KIF5C: variants seen among roughly 807,000 people sequenced by gnomAD.
The protein encoded by KIF5C is kinesin heavy chain isoform 5C.
Under a neutral mutation model 125.2 loss-of-function variants are expected in KIF5C, and 18 were observed. The ratio of observed to expected loss-of-function variants is 0.14; its 90% confidence interval spans 0.10 to 0.21. KIF5C has a LOEUF of 0.21. Ranked by LOEUF, KIF5C falls within the 10% of genes least tolerant of loss-of-function variation. KIF5C has a pLI of 1.00. For missense variants in KIF5C, 780 were observed against 1,183.8 expected (o/e 0.66, Z 5.01); for synonymous variants, 405 against 434.0 (o/e 0.93, Z 0.83).
At chr2:149,004,426 G>A (rs562356917) in intron 21 of KIF5C, among the ~76,000 whole-genome samples, 1 of 152,264 alleles carries the variant, frequency 6.6e-6, no homozygotes, top group African/African-American at 2.4e-5. Flanking sequence ...TATTTCCTAT[G>A]GTAAATACAT....
At chr2:148,997,654 G>T in intron 18 of KIF5C, 1 of 345,014 alleles carries the variant, frequency 2.9e-6, no homozygotes. Context: ...TAACTTCTAA[G>T]GATTTCTTCC....
chr2:148,899,817 C>CTT (rs964052615), intron 1 of KIF5C, among the ~76,000 whole-genome samples: 5 of 150,892 alleles, frequency 3.3e-5, no homozygotes, highest in African/African-American at 1.2e-4. Context: ...ATGGGTATTT[C>CTT]TTTCCTGAAT....
intron 1 of KIF5C, 61 bp from the exon 2 acceptor site, chr2:148,922,076 T>C: frequency 2.5e-6 from 3 of 1,194,268 alleles, no homozygotes; most frequent in Non-Finnish European, 3.6e-6. Flanking sequence ...TGCGATTTTT[T>C]ATTCCTAAAC....
intron 2 of KIF5C, among the ~76,000 whole-genome samples, chr2:148,927,280 G>A (rs1487608338): frequency 6.6e-6 from 1 of 152,202 alleles, no homozygotes; most frequent in African/African-American, 2.4e-5. Context: ...TGAGCTCTGA[G>A]CTGTTTCCTT....
intron 2 of KIF5C, among the ~76,000 whole-genome samples, chr2:148,925,060 C>T (rs778817523): frequency 2.0e-5 from 3 of 152,132 alleles, no homozygotes; most frequent in Non-Finnish European, 4.4e-5. Flanking sequence ...CACGGGAACA[C>T]AGAAGAATGT....
intron 3 of KIF5C, among the ~76,000 whole-genome samples, chr2:148,932,761 C>G (rs1682207989): frequency 6.6e-6 from 1 of 152,154 alleles, no homozygotes; most frequent in South Asian, 2.1e-4. Flanking sequence ...TCCCGCCAAG[C>G]CTGCCAAGTG....
intron 1 of KIF5C, chr2:148,877,786 T>C (rs6759481): frequency 1 from 150,729 of 151,326 alleles, 75,068 homozygotes; most frequent in Middle Eastern, 1. Context: ...CTCTTCTTCT[T>C]CCAGAACCAA....
chr2:149,015,978 G>T (rs988261444), intron 25 of KIF5C, among the ~76,000 whole-genome samples: 1 of 152,206 alleles, frequency 6.6e-6, no homozygotes, highest in African/African-American at 2.4e-5. Flanking sequence ...AATGGAATAG[G>T]AACACTGTTT....
intron 1 of KIF5C, among the ~76,000 whole-genome samples, chr2:148,882,334 T>C (rs1681389090): frequency 6.6e-6 from 1 of 152,194 alleles, no homozygotes; most frequent in Non-Finnish European, 1.5e-5. Flanking sequence ...CTAAGCCCAG[T>C]GGCTAGTCCA....
intron 1 of KIF5C, among the ~76,000 whole-genome samples, chr2:148,898,021 A>G (rs1010423555): frequency 7.5e-6 from 1 of 132,946 alleles, no homozygotes; most frequent in Non-Finnish European, 1.5e-5. Flanking sequence ...GGTTTGAGGG[A>G]GTGGAGAGGA....
chr2:148,909,446 C>T (rs1031229324), intron 1 of KIF5C, among the ~76,000 whole-genome samples: 12 of 152,240 alleles, frequency 7.9e-5, no homozygotes, highest in Non-Finnish European at 1.6e-4. Context: ...TCTCTCCACT[C>T]CCTCAGAATG....
intron 1 of KIF5C, among the ~76,000 whole-genome samples, chr2:148,909,032 C>T (rs1681227222): frequency 6.6e-6 from 1 of 152,286 alleles, no homozygotes; most frequent in Admixed American, 6.5e-5. Context: ...CGCTTCTTTC[C>T]CAGCTTCTTT....
intron 7 of KIF5C, among the ~76,000 whole-genome samples, chr2:148,943,126 A>T (rs77670403): frequency 0.021 from 3,130 of 152,336 alleles, 96 homozygotes; most frequent in African/African-American, 0.065. Context: ...GTTAAAAAAA[A>T]GTTCCAAACC....
intron 1 of KIF5C, among the ~76,000 whole-genome samples, 184 bp from the exon 2 acceptor site, chr2:148,921,953 C>T (rs1473438562): frequency 6.6e-6 from 1 of 152,204 alleles, no homozygotes; most frequent in East Asian, 1.9e-4. Context: ...ATACAGTGCA[C>T]ATATACACAA....
At chr2:148,886,949 C>T (rs770313132) in intron 1 of KIF5C, among the ~76,000 whole-genome samples, 38 of 152,086 alleles carry the variant, frequency 2.5e-4, no homozygotes, top group Non-Finnish European at 4.7e-4. Flanking sequence ...CTGGTCTAGA[C>T]ATTTATCCAA....
At chr2:148,933,586 G>T (rs1269683960) in intron 3 of KIF5C, among the ~76,000 whole-genome samples, 1 of 141,476 alleles carries the variant, frequency 7.1e-6, no homozygotes, top group East Asian at 2.2e-4. Context: ...TACCACACAC[G>T]TATACACACA....
At chr2:148,958,053 T>C (rs1045307652) in intron 10 of KIF5C, among the ~76,000 whole-genome samples, 1 of 152,210 alleles carries the variant, frequency 6.6e-6, no homozygotes, top group Non-Finnish European at 1.5e-5. Flanking sequence ...TTTTCACAGT[T>C]ATATAGTATT....
chr2:149,018,355 C>T, intron 25 of KIF5C, among the ~76,000 whole-genome samples: 1 of 152,170 alleles, frequency 6.6e-6, no homozygotes, highest in East Asian at 1.9e-4. Flanking sequence ...TGAACAAGCA[C>T]TCCGTGCTCA....
chr2:148,993,281 T>A (rs914192997), intron 16 of KIF5C, among the ~76,000 whole-genome samples: 3 of 152,190 alleles, frequency 2.0e-5, no homozygotes, highest in Non-Finnish European at 2.9e-5. Flanking sequence ...TGACACTGAC[T>A]TTGCTGTATG....
Sources: gnomAD v4.1 joint callset for allele counts (sites outside exome capture counted in the v4.1 genomes callset) on GRCh38, gnomAD v4.1.1 for gene constraint, MANE v1.5 for transcripts, NCBI Gene and HGNC (gene_info 2026-07-23, HGNC 2026-07-21) for gene names.